Variants in SYCP1 observed in about 807,000 individuals in gnomAD.
The protein encoded by SYCP1 is synaptonemal complex protein 1.
SYCP1 carries 64 observed loss-of-function variants against 153.1 expected under a neutral mutation model. The observed-to-expected ratio is 0.42, with a 90% CI of 0.34 to 0.51. The LOEUF (loss-of-function observed/expected upper bound fraction) is 0.51. Ranked by LOEUF, SYCP1 falls within the 20% of genes least tolerant of loss-of-function variation. SYCP1 has a pLI of 0.06. For missense variants in SYCP1, 997 were observed against 1,049.0 expected, an observed-to-expected ratio of 0.95 and a Z score of 0.68; for synonymous variants, 384 against 341.8, an observed-to-expected ratio of 1.12 and a Z score of -1.36.
intron 29 of SYCP1, among the ~76,000 whole-genome samples, chr1:114,982,594 C>A (rs12065865): frequency 0.049 from 7,441 of 151,704 alleles, 262 homozygotes; most frequent in African/African-American, 0.097. Context: ...TATTGATATT[C>A]CATTTAGTGA....
intron 8 of SYCP1, among the ~76,000 whole-genome samples, chr1:114,861,686 A>C (rs1261829216): frequency 1.3e-5 from 2 of 152,158 alleles, no homozygotes; most frequent in Non-Finnish European, 2.9e-5. Flanking sequence ...ATTGTCCTGA[A>C]AATTAAATGT....
chr1:114,944,790 T>TAA (rs1303724773), intron 24 of SYCP1, 82 bp from the exon 25 acceptor site: 5 of 1,019,398 alleles, frequency 4.9e-6, no homozygotes, highest in Non-Finnish European at 7.2e-6. Context: ...TGCTTTTATT[T>TAA]AAGTAGAACA....
chr1:114,921,291 A>G (rs946467939), intron 20 of SYCP1, among the ~76,000 whole-genome samples: 1 of 152,136 alleles, frequency 6.6e-6, no homozygotes, highest in African/African-American at 2.4e-5. Flanking sequence ...CCCTGGTTTT[A>G]AACTTTTTGT....
intron 20 of SYCP1, among the ~76,000 whole-genome samples, chr1:114,922,168 C>T (rs1037435369): frequency 6.6e-6 from 1 of 152,024 alleles, no homozygotes; most frequent in Admixed American, 6.6e-5. Context: ...ATATTTAGAT[C>T]TTTCTCTAGG....
At chr1:114,855,335 T>C in intron 1 of SYCP1, 106 bp from the exon 2 acceptor site, 1 of 550,906 alleles carries the variant, frequency 1.8e-6, no homozygotes, top group Non-Finnish European at 3.0e-6. Context: ...ATTCCTTTTT[T>C]TTTAGCCATT....
chr1:114,937,060 G>A, intron 23 of SYCP1, among the ~76,000 whole-genome samples: 1 of 151,998 alleles, frequency 6.6e-6, no homozygotes, highest in South Asian at 2.1e-4. Flanking sequence ...AGTTCATATG[G>A]AACCAAAAAA....
intron 18 of SYCP1, among the ~76,000 whole-genome samples, 165 bp from the exon 19 acceptor site, chr1:114,912,847 TAGAAGGAATAATGTAATGATC>T (rs1260964011): frequency 6.6e-6 from 1 of 151,878 alleles, no homozygotes; most frequent in Non-Finnish European, 1.5e-5. Flanking sequence ...ATATAAAAAT[TAGAAGGAATAATGTAATGATC>T]AACCTATCAC....
intron 7 of SYCP1, among the ~76,000 whole-genome samples, chr1:114,860,071 A>G (rs1664271902): frequency 6.6e-6 from 1 of 152,206 alleles, no homozygotes; most frequent in South Asian, 2.1e-4. Flanking sequence ...AAGATGCCTG[A>G]TAATTCTGTA....
intron 9 of SYCP1, among the ~76,000 whole-genome samples, chr1:114,875,115 A>G (rs892769400): frequency 1.3e-5 from 2 of 151,998 alleles, no homozygotes; most frequent in Non-Finnish European, 2.9e-5. Context: ...TATTCCATAT[A>G]TATCCATCTC....
rs190734021 is a variant in SYCP1 at position 114,860,885 on chromosome 1, C to T, written c.598+76C>T. ...GAGGTGGAGAGGGAAAGAAATTGTCCTTTTAATTTTTGGAACCAATTTGAT... is the reference window on the plus strand; with the variant it reads ...GAGGTGGAGAGGGAAAGAAATTGTCTTTTTAATTTTTGGAACCAATTTGAT... On this transcript the variant is annotated intron_variant, in intron 8 of 31. Coordinates refer to ENST00000369522, the MANE Select transcript of SYCP1 (RefSeq NM_003176.4). 889 of 1,185,124 alleles carry T rather than the reference C, an allele frequency of 7.5e-4. 6 individuals carry two copies. Among genetic ancestry groups the T allele is most frequent in the Middle Eastern group, 3.1e-3 (11 of 3,594 alleles). 73.4% of individuals were successfully genotyped at this position (1,185,124 alleles called of 1,614,324 possible). A position where few individuals can be genotyped will look rare whatever the true frequency, so the allele number is the denominator to read the frequency against.
chr1:114,885,487 G>T, intron 12 of SYCP1, 48 bp from the exon 13 acceptor site: 1 of 1,076,174 alleles, frequency 9.3e-7, no homozygotes, highest in South Asian at 1.4e-5. Flanking sequence ...AGTTTTCTTG[G>T]TATATATCTT....
At chr1:114,862,706 C>A (rs551168237) in intron 8 of SYCP1, among the ~76,000 whole-genome samples, 1 of 152,090 alleles carries the variant, frequency 6.6e-6, no homozygotes, top group African/African-American at 2.4e-5. Context: ...TTTAGAGAAC[C>A]CAACATTTTT....
chr1:114,931,952 A>C (rs1247028644), intron 23 of SYCP1, among the ~76,000 whole-genome samples: 1 of 152,218 alleles, frequency 6.6e-6, no homozygotes, highest in Admixed American at 6.5e-5. Flanking sequence ...AAAAAAATTC[A>C]ATGGAGAGAA....
At chr1:114,905,343 G>C (rs1170503173) in intron 16 of SYCP1, among the ~76,000 whole-genome samples, 2 of 152,164 alleles carry the variant, frequency 1.3e-5, no homozygotes, top group Non-Finnish European at 2.9e-5. Flanking sequence ...AGCCATGTGT[G>C]TCTCAAGTAG....
chr1:114,919,678 C>G (rs1668735746), intron 20 of SYCP1, among the ~76,000 whole-genome samples: 1 of 151,920 alleles, frequency 6.6e-6, no homozygotes, highest in African/African-American at 2.4e-5. Flanking sequence ...GATCTTATTA[C>G]TTGTTTTTCG....
chr1:114,973,221 T>C lies in SYCP1; in HGVS notation c.2323-4336T>C, dbSNP rs141339722. 8.0e-3 allele frequency among the ~76,000 whole-genome samples: 1,219 copies of C among 152,220 alleles called. 12 individuals are homozygous for C. Among genetic ancestry groups the C allele is most frequent in the South Asian group, 0.017 (81 of 4,824 alleles). On this transcript the variant is annotated intron_variant, in intron 27 of 31. Transcript: ENST00000369522. ...TCTTAGTGAGTCTCTTTTTGTGCTT[T>C]GTATTCTTTTAGAGGAATCTTCTGT...
chr1:114,949,809 CTT>C (rs1670973190), intron 27 of SYCP1, among the ~76,000 whole-genome samples: 1 of 152,168 alleles, frequency 6.6e-6, no homozygotes, highest in Admixed American at 6.5e-5. Flanking sequence ...GCTTTCTTGT[CTT>C]GGGTCACACT....
intron 16 of SYCP1, among the ~76,000 whole-genome samples, chr1:114,900,078 C>T (rs184434869): frequency 3.5e-4 from 54 of 152,254 alleles, no homozygotes; most frequent in Non-Finnish European, 6.8e-4. Flanking sequence ...ATGAATACTT[C>T]GTTGTGCTTT....
chr1:114,934,295 T>A (rs1467952958), intron 23 of SYCP1, among the ~76,000 whole-genome samples: 1 of 152,180 alleles, frequency 6.6e-6, no homozygotes, highest in African/African-American at 2.4e-5. Flanking sequence ...CAGAATTTCA[T>A]ATCCAGCCAA....
Sources: allele counts gnomAD v4.1 joint callset (sites outside exome capture counted in the v4.1 genomes callset), GRCh38; gene constraint gnomAD v4.1.1; transcripts MANE v1.5; gene names NCBI Gene and HGNC (gene_info 2026-07-23, HGNC 2026-07-21).